The following SNX29 variants were observed in gnomAD, a reference collection of about 807,000 sequenced individuals.
SNX29 encodes the protein sorting nexin 29, also known as sorting nexin-29.
In SNX29, 78 loss-of-function variants were observed where a neutral mutation model predicts 102.1. The ratio of observed to expected loss-of-function variants is 0.76; its 90% CI spans 0.64 to 0.92. SNX29 has a LOEUF of 0.92. SNX29 is among the 40% of genes least tolerant of loss of function. The pLI, the probability that SNX29 is intolerant of heterozygous loss-of-function variation, is 0.00. For missense variants in SNX29, 1,280 were observed against 1,061.7 expected (o/e 1.21, Z -2.86); for synonymous variants, 580 against 414.5 (o/e 1.40, Z -4.85).
At position 12,084,678 on chromosome 16, in the gene SNX29, C is replaced by T. The variant is rs184772701; in HGVS notation, c.1402+5763C>T. On this transcript the variant is annotated intron_variant, in intron 11 of 20. Transcript: ENST00000566228. ...GGCCCCAGCCCCCTCAGTACCGTGT[C>T]CTTATCAAGATAGAGTGACAGGATC... Among the ~76,000 whole-genome samples, 1,156 of 152,182 alleles carry T rather than the reference C, an allele frequency of 7.6e-3. 8 individuals are homozygous for T. The highest frequency in any genetic ancestry group is 0.012 in the Non-Finnish European group (826 of 68,016).
chr16:12,362,307 T>A (rs2082322904), intron 16 of SNX29, among the ~76,000 whole-genome samples: 1 of 152,126 alleles, frequency 6.6e-6, no homozygotes, highest in Admixed American at 6.5e-5. Context: ...TGGCTGGCAG[T>A]CCACAGGGCT....
At chr16:12,073,669 A>C (rs1403394895) in intron 10 of SNX29, among the ~76,000 whole-genome samples, 5 of 152,202 alleles carry the variant, frequency 3.3e-5, no homozygotes, top group Non-Finnish European at 5.9e-5. Context: ...AAAGTTCTGT[A>C]GATGTCTATT....
intron 20 of SNX29, among the ~76,000 whole-genome samples, chr16:12,559,652 A>T (rs1157948735): frequency 6.6e-6 from 1 of 152,108 alleles, no homozygotes; most frequent in African/African-American, 2.4e-5. Flanking sequence ...TGTAAGCCAC[A>T]TTCTGCTTCT....
At chr16:12,051,441 T>C (rs1472745211) in intron 7 of SNX29, among the ~76,000 whole-genome samples, 1 of 152,012 alleles carries the variant, frequency 6.6e-6, no homozygotes, top group East Asian at 1.9e-4. Flanking sequence ...CAAAGGGGCA[T>C]TGCACAGGAA....
At chr16:12,449,671 G>A (rs1045154229) in intron 18 of SNX29, among the ~76,000 whole-genome samples, 2 of 152,182 alleles carry the variant, frequency 1.3e-5, no homozygotes, top group South Asian at 2.1e-4. Context: ...CACTTCAGAA[G>A]CTATTTGTCT....
At chr16:12,261,277 T>C (rs2078749203) in intron 14 of SNX29, among the ~76,000 whole-genome samples, 1 of 141,564 alleles carries the variant, frequency 7.1e-6, no homozygotes, top group Admixed American at 7.2e-5. Flanking sequence ...GAGTGTTTGC[T>C]GAGCTCGGGT....
chr16:12,492,173 A>C (rs1315367322), intron 19 of SNX29, among the ~76,000 whole-genome samples: 2 of 152,190 alleles, frequency 1.3e-5, no homozygotes, highest in African/African-American at 4.8e-5. Flanking sequence ...CTGTTTCTCC[A>C]CATCCTCGCC....
chr16:12,508,596 G>C (rs1489286580), intron 19 of SNX29, among the ~76,000 whole-genome samples: 1 of 152,202 alleles, frequency 6.6e-6, no homozygotes, highest in African/African-American at 2.4e-5. Flanking sequence ...CTGGCCCTGC[G>C]AGCTCCTGCT....
Position 12,387,135 on chromosome 16 carries a change from TAAAA to T in SNX29, c.1900-11304_1900-11301del, listed in dbSNP as rs778794712. 6.1e-5 allele frequency among the ~76,000 whole-genome samples: 8 copies of T among 131,000 alleles called. No homozygotes were observed. In the East Asian group the frequency reaches 1.6e-3, roughly 27 times the overall value. The allele number at this position is 131,000 out of a possible 152,430, so 85.9% of individuals were successfully genotyped here. Reference sequence around the variant, plus strand: ...GTGAGACTCAGTCTCATTAAAAAAATAAAAAAAAAAGAGAGAGCCACACCTAGAT... The same window carrying T: ...GTGAGACTCAGTCTCATTAAAAAAATAAAAAAGAGAGAGCCACACCTAGAT... On this transcript the variant is annotated intron_variant, in intron 16 of 20. Transcript: ENST00000566228.
At chr16:12,331,307 A>G (rs1352244411) in intron 15 of SNX29, among the ~76,000 whole-genome samples, 2 of 152,200 alleles carry the variant, frequency 1.3e-5, no homozygotes, top group African/African-American at 4.8e-5. Flanking sequence ...TCCCTTGGTC[A>G]TGCATTTCTT....
chr16:12,055,157 C>CT (rs2050468280), intron 8 of SNX29, among the ~76,000 whole-genome samples: 2 of 151,670 alleles, frequency 1.3e-5, no homozygotes, highest in Admixed American at 6.6e-5. Flanking sequence ...CTGTCCTGCT[C>CT]TATTTTTTCT....
Position 12,572,343 on chromosome 16 carries a change from G to C in SNX29, c.*3714G>C, listed in dbSNP as rs117922914. On this transcript the variant is annotated 3_prime_UTR_variant, in exon 21 of 21. Transcript: ENST00000566228. ...AGGAGTGAAGCCCACCAGCCTGCCTGGTTGATGGACAGCAGGCTCTGCCTT... is the reference window on the plus strand; with the variant it reads ...AGGAGTGAAGCCCACCAGCCTGCCTCGTTGATGGACAGCAGGCTCTGCCTT... The C allele has an allele frequency of 4.1e-5, 44 of 1,063,430 alleles. No homozygotes were observed. Among genetic ancestry groups the C allele is most frequent in the Middle Eastern group, 4.2e-4 (1 of 2,386 alleles). The allele number at this position is 1,063,430 out of a possible 1,614,324, so 65.9% of individuals were successfully genotyped here.
intron 11 of SNX29, among the ~76,000 whole-genome samples, chr16:12,083,056 C>A (rs898704142): frequency 6.6e-6 from 1 of 152,060 alleles, no homozygotes; most frequent in African/African-American, 2.4e-5. Context: ...GTAATCCTAG[C>A]ACTTTGGGAG....
chr16:12,079,108 G>A (rs1229373629), intron 11 of SNX29, among the ~76,000 whole-genome samples, 193 bp downstream of exon 11: 1 of 152,260 alleles, frequency 6.6e-6, no homozygotes, highest in Admixed American at 6.5e-5. Context: ...GCTTGGGCGT[G>A]TGCGCGCTAA....
intron 20 of SNX29, among the ~76,000 whole-genome samples, chr16:12,563,627 C>G (rs760870459): frequency 6.6e-6 from 1 of 152,172 alleles, no homozygotes; most frequent in African/African-American, 2.4e-5. Context: ...ACGAGACTGT[C>G]CTGGCCCCAG....
intron 14 of SNX29, among the ~76,000 whole-genome samples, chr16:12,244,421 C>T (rs938892639): frequency 1.3e-5 from 2 of 152,066 alleles, no homozygotes; most frequent in Non-Finnish European, 2.9e-5. Context: ...CCAGCCTGGC[C>T]AACATGGAGA....
At chr16:12,567,610 A>G (rs2079065356) in intron 20 of SNX29, among the ~76,000 whole-genome samples, 1 of 152,230 alleles carries the variant, frequency 6.6e-6, no homozygotes, top group East Asian at 1.9e-4. Context: ...TCTACAAAAA[A>G]TTACACTCAG....
intron 1 of SNX29, among the ~76,000 whole-genome samples, chr16:11,981,576 G>A (rs756925570): frequency 2.6e-5 from 4 of 152,134 alleles, no homozygotes; most frequent in Non-Finnish European, 5.9e-5. Flanking sequence ...GTGGCATAAA[G>A]TGTTTTTCAG....
At chr16:12,445,976 C>A (rs1056314250) in intron 18 of SNX29, among the ~76,000 whole-genome samples, 1 of 152,108 alleles carries the variant, frequency 6.6e-6, no homozygotes, top group African/African-American at 2.4e-5. Context: ...GCTCCCGAGT[C>A]CACGCTTTCG....
Sources: gnomAD v4.1 joint callset for allele counts (sites outside exome capture counted in the v4.1 genomes callset) on GRCh38, gnomAD v4.1.1 for gene constraint, MANE v1.5 for transcripts, NCBI Gene and HGNC (gene_info 2026-07-23, HGNC 2026-07-21) for gene names.